RFTN2: variants seen among roughly 807,000 people sequenced by gnomAD.
The protein encoded by RFTN2 is raftlin family member 2.
Under a neutral mutation model 52.7 loss-of-function variants are expected in RFTN2, and 34 were observed. That is an observed-to-expected ratio of 0.64 (90% CI 0.49 to 0.86). The LOEUF is 0.86. RFTN2 is among the 40% of genes least tolerant of loss of function. The pLI, the probability that RFTN2 is intolerant of heterozygous loss-of-function variation, is 0.00. For synonymous variants in RFTN2, 203 were observed against 217.7 expected (o/e 0.93, Z 0.59); for missense variants, 536 against 600.1 (o/e 0.89, Z 1.12).
At chr2:197,651,414 T>G (rs2088825372) in intron 1 of RFTN2, among the ~76,000 whole-genome samples, 1 of 151,752 alleles carries the variant, frequency 6.6e-6, no homozygotes, top group Non-Finnish European at 1.5e-5. Context: ...AGATCAGGAG[T>G]TTGAGACCAG....
At chr2:197,621,161 A>C (rs756986521) in intron 5 of RFTN2, among the ~76,000 whole-genome samples, 17 of 152,070 alleles carry the variant, frequency 1.1e-4, no homozygotes, top group Admixed American at 6.6e-5. Context: ...TCACTAGATC[A>C]TCTACAATTG....
At chr2:197,631,830 G>A (rs912620705) in intron 4 of RFTN2, among the ~76,000 whole-genome samples, 1 of 152,136 alleles carries the variant, frequency 6.6e-6, no homozygotes, top group East Asian at 1.9e-4. Context: ...AATTCTTAAC[G>A]TAGGGTCAGT....
At chr2:197,650,627 C>T (rs2088813107) in intron 1 of RFTN2, among the ~76,000 whole-genome samples, 1 of 152,126 alleles carries the variant, frequency 6.6e-6, no homozygotes, top group Non-Finnish European at 1.5e-5. Context: ...TACAAGATTT[C>T]CTTCCTTTTT....
intron 1 of RFTN2, among the ~76,000 whole-genome samples, chr2:197,662,771 C>T (rs1001518931): frequency 1.6e-4 from 24 of 151,988 alleles, no homozygotes; most frequent in East Asian, 1.9e-4. Flanking sequence ...TCTTCCATTT[C>T]GTTCTTTAAA....
intron 8 of RFTN2, among the ~76,000 whole-genome samples, chr2:197,583,012 A>C (rs1370392293): frequency 2.6e-5 from 4 of 152,188 alleles, no homozygotes; most frequent in African/African-American, 9.7e-5. Flanking sequence ...TCTTAGACCA[A>C]GGAAAATATC....
chr2:197,621,405 T>G (rs548312781), intron 5 of RFTN2, among the ~76,000 whole-genome samples: 2 of 151,446 alleles, frequency 1.3e-5, no homozygotes, highest in East Asian at 3.9e-4. Context: ...ATACCGGTTT[T>G]TTTTTTTTTT....
intron 1 of RFTN2, 75 bp from the exon 2 acceptor site, chr2:197,646,741 T>C (rs557434244): frequency 9.4e-5 from 110 of 1,167,656 alleles, no homozygotes; most frequent in Admixed American, 3.7e-4. Flanking sequence ...CTATGGGTGA[T>C]AATACTAATG....
chr2:197,572,434 C>T (rs1030691387), intron 8 of RFTN2, among the ~76,000 whole-genome samples, 154 bp from the exon 9 acceptor site: 1 of 152,178 alleles, frequency 6.6e-6, no homozygotes, highest in African/African-American at 2.4e-5. Flanking sequence ...TCAGAGCTAC[C>T]TCCACATTCC....
At chr2:197,591,170 C>T (rs1426766291) in intron 8 of RFTN2, among the ~76,000 whole-genome samples, 1 of 152,034 alleles carries the variant, frequency 6.6e-6, no homozygotes, top group Admixed American at 6.6e-5. Context: ...ACAGAGTGCT[C>T]TTTGGTGCAT....
At chr2:197,632,770 A>C (rs776611038) in intron 4 of RFTN2, among the ~76,000 whole-genome samples, 1 of 152,138 alleles carries the variant, frequency 6.6e-6, no homozygotes, top group Non-Finnish European at 1.5e-5. Flanking sequence ...ATGTGGCTAA[A>C]TGAATCTCTG....
At chr2:197,654,301 G>A (rs896704814) in intron 1 of RFTN2, among the ~76,000 whole-genome samples, 2 of 151,816 alleles carry the variant, frequency 1.3e-5, no homozygotes, top group African/African-American at 2.4e-5. Context: ...TGGGAGGATC[G>A]CTTAAGCCCA....
At chr2:197,598,680 C>A (rs1455786565) in intron 7 of RFTN2, among the ~76,000 whole-genome samples, 2 of 152,130 alleles carry the variant, frequency 1.3e-5, no homozygotes, top group African/African-American at 4.8e-5. Context: ...ATTCCAGGGT[C>A]CACTCCAGTC....
rs959969867 is a variant in RFTN2 at position 197,570,562 on chromosome 2, A to G, written c.*1446T>C. 6.6e-6 allele frequency: 1 copy of G among 152,222 alleles called. No homozygotes were observed. The highest frequency in any genetic ancestry group is 1.5e-5 in the Non-Finnish European group (1 of 68,040). The allele number at this position is 152,222 out of a possible 1,614,324, so 9.4% of individuals were successfully genotyped here. On this transcript the variant is annotated 3_prime_UTR_variant, in exon 9 of 9. Coordinates refer to ENST00000295049, the MANE Select transcript of RFTN2 (RefSeq NM_144629.3). ...GCCAACATGGTGAAACCCCATCTCT[A>G]CTAAAAATACAAAAATTAGCTGGGC...
intron 8 of RFTN2, among the ~76,000 whole-genome samples, chr2:197,575,855 CATAAT>C (rs1356471799): frequency 4.6e-5 from 5 of 107,982 alleles, no homozygotes; most frequent in African/African-American, 6.9e-5. Context: ...ATTTTATATA[CATAAT>C]ATATTTATAT....
At chr2:197,648,263 A>G (rs866432738) in intron 1 of RFTN2, among the ~76,000 whole-genome samples, 2 of 152,230 alleles carry the variant, frequency 1.3e-5, no homozygotes, top group South Asian at 4.1e-4. Context: ...AAAAACTAAA[A>G]TAAGCGCTCA....
intron 1 of RFTN2, among the ~76,000 whole-genome samples, chr2:197,664,207 T>C (rs1351722751): frequency 6.6e-6 from 1 of 152,084 alleles, no homozygotes; most frequent in Non-Finnish European, 1.5e-5. Context: ...GTATGGTGGC[T>C]CATGACTGTA....
intron 1 of RFTN2, among the ~76,000 whole-genome samples, chr2:197,663,755 A>C (rs957765221): frequency 2.0e-5 from 3 of 151,926 alleles, no homozygotes; most frequent in Non-Finnish European, 4.4e-5. Flanking sequence ...TTTTTGAAGA[A>C]GCTGCTTTTT....
rs755503805 is a variant in RFTN2, at chr2:197,675,413, G to A, written c.46C>T (p.Pro16Ser). The A allele has an allele frequency of 6.2e-7, 1 of 1,602,162 alleles. No homozygotes were observed. Among genetic ancestry groups the A allele is most frequent in the Non-Finnish European group, 8.5e-7 (1 of 1,174,408 alleles). ...TTCAGGGTAGAAAATATTTTTCCAG[G>A]GCTGCTATCATCAGGGTCTTCTAGC... Reference protein sequence around the residue: ...RKLEDPDDSSPGKIFSTLKRP... With the variant: ...RKLEDPDDSSSGKIFSTLKRP... Residue 16 changes from proline to serine, a missense_variant, in exon 1 of 9, where the codon CCT becomes TCT. Transcript: ENST00000295049.
At chr2:197,632,940 T>C (rs1408174064) in intron 4 of RFTN2, among the ~76,000 whole-genome samples, 1 of 152,238 alleles carries the variant, frequency 6.6e-6, no homozygotes, top group Non-Finnish European at 1.5e-5. Context: ...TAGACATTTC[T>C]TATTTACTTC....
Sources: allele counts gnomAD v4.1 joint callset (sites outside exome capture counted in the v4.1 genomes callset), GRCh38; gene constraint gnomAD v4.1.1; transcripts MANE v1.5; gene names NCBI Gene and HGNC (gene_info 2026-07-23, HGNC 2026-07-21).